The following WDR7 variants were observed in gnomAD, a reference collection of about 807,000 sequenced individuals.
WDR7 encodes the protein WD repeat-containing protein 7.
A neutral mutation model predicts 169.4 loss-of-function variants in WDR7; 46 were observed. The ratio of observed to expected loss-of-function variants is 0.27; its 90% confidence interval spans 0.21 to 0.35. The LOEUF (loss-of-function observed/expected upper bound fraction) is 0.35. WDR7 is among the 10% of genes least tolerant of loss of function. The pLI, the probability that WDR7 is intolerant of heterozygous loss-of-function variation, is 1.00. For missense variants in WDR7, 1,534 were observed against 1,859.3 expected (o/e 0.83, Z 3.22); for synonymous variants, 612 against 666.8 (o/e 0.92, Z 1.27).
chr18:57,027,313 C>T lies in WDR7; in HGVS notation c.*106C>T. The T allele has an allele frequency of 7.3e-7, 1 of 1,360,702 alleles. No homozygotes were observed. The highest frequency in any genetic ancestry group is 1.4e-5 in the South Asian group (1 of 71,180). The allele number at this position is 1,360,702 out of a possible 1,614,324, so 84.3% of individuals were successfully genotyped here. On this transcript the variant is annotated 3_prime_UTR_variant, in exon 28 of 28. Coordinates refer to ENST00000254442, the MANE Select transcript of WDR7 (RefSeq NM_015285.3). Reference sequence around the variant, plus strand: ...ATTGTTCCCAGGGGCCTGCCCACCCCAGTGCCATCCAGTGGCACGGCCGGG... The same window carrying T: ...ATTGTTCCCAGGGGCCTGCCCACCCTAGTGCCATCCAGTGGCACGGCCGGG...
intron 20 of WDR7, among the ~76,000 whole-genome samples, chr18:56,825,144 T>G (rs1384403300): frequency 6.6e-6 from 1 of 152,194 alleles, no homozygotes; most frequent in Non-Finnish European, 1.5e-5. Flanking sequence ...GCCTCCTCGT[T>G]TCTAGGATGG....
At chr18:56,885,621 ACCAT>A (rs2046178084) in intron 21 of WDR7, among the ~76,000 whole-genome samples, 1 of 151,254 alleles carries the variant, frequency 6.6e-6, no homozygotes, top group African/African-American at 2.4e-5. Flanking sequence ...TCAGATCAAG[ACCAT>A]CCTAGCTAAC....
At chr18:56,815,428 G>A (rs1440447526) in intron 19 of WDR7, among the ~76,000 whole-genome samples, 3 of 152,146 alleles carry the variant, frequency 2.0e-5, no homozygotes, top group South Asian at 4.1e-4. Flanking sequence ...ATTCTCAGGC[G>A]ATTTACAGAA....
At chr18:56,760,186 A>C (rs2043960308) in intron 16 of WDR7, among the ~76,000 whole-genome samples, 2 of 152,160 alleles carry the variant, frequency 1.3e-5, no homozygotes, top group Non-Finnish European at 2.9e-5. Context: ...CAAAACAGAA[A>C]CGTACAGTGA....
intron 16 of WDR7, among the ~76,000 whole-genome samples, chr18:56,760,126 CTT>C (rs2043959439): frequency 6.6e-6 from 1 of 152,034 alleles, no homozygotes; most frequent in Non-Finnish European, 1.5e-5. Context: ...GGTTAGATAA[CTT>C]TTTTATGCTT....
In WDR7 at chr18:56,711,636, G is replaced by T. The variant is rs550662694; in HGVS notation, c.1579-6328G>T. Among the ~76,000 whole-genome samples, 11 of 151,574 alleles carry T rather than the reference G, an allele frequency of 7.3e-5. No individual in the cohort carries two copies. In the East Asian group the frequency reaches 2.1e-3, roughly 29 times the overall value. On this transcript the variant is annotated intron_variant, in intron 12 of 27. Transcript: ENST00000254442. ...TAATTATCCAATTAGTTTGTTAATC[G>T]GTGTTTTGGCTGGACCATATGGCCT...
intron 13 of WDR7, among the ~76,000 whole-genome samples, chr18:56,726,866 C>T (rs182505339): frequency 3.3e-5 from 5 of 152,204 alleles, no homozygotes; most frequent in African/African-American, 7.2e-5. Flanking sequence ...CTGTCTGAGT[C>T]CTGGGTACTG....
At chr18:56,690,859 G>A (rs2025552155) in intron 7 of WDR7, among the ~76,000 whole-genome samples, 1 of 152,006 alleles carries the variant, frequency 6.6e-6, no homozygotes, top group Non-Finnish European at 1.5e-5. Flanking sequence ...AAATAAAACA[G>A]GGCTCAAGCC....
chr18:56,761,172 C>G (rs1180672041), intron 16 of WDR7, among the ~76,000 whole-genome samples: 1 of 152,126 alleles, frequency 6.6e-6, no homozygotes, highest in Non-Finnish European at 1.5e-5. Context: ...ACCATCCTGA[C>G]TAATTTTTTC....
intron 2 of WDR7, among the ~76,000 whole-genome samples, chr18:56,674,443 CT>C (rs2025200996): frequency 1.3e-5 from 2 of 152,078 alleles, no homozygotes; most frequent in Admixed American, 1.3e-4. Flanking sequence ...CTCTGGCAAA[CT>C]GTCTATTCAG....
chr18:56,951,445 T>A (rs1040238678), intron 25 of WDR7, among the ~76,000 whole-genome samples: 1 of 152,162 alleles, frequency 6.6e-6, no homozygotes, highest in African/African-American at 2.4e-5. Context: ...TAGTTGACAG[T>A]TACCTCTCCC....
intron 13 of WDR7, among the ~76,000 whole-genome samples, chr18:56,719,332 G>A (rs2026263953): frequency 6.6e-6 from 1 of 152,132 alleles, no homozygotes; most frequent in Non-Finnish European, 1.5e-5. Flanking sequence ...GGGAGGCCGA[G>A]ACGGGCGGAT....
At chr18:56,935,295 T>A (rs2046942551) in intron 22 of WDR7, among the ~76,000 whole-genome samples, 1 of 152,170 alleles carries the variant, frequency 6.6e-6, no homozygotes. Flanking sequence ...ATATTTCAAA[T>A]GAAAAATAAT....
chr18:56,821,710 G>T (rs1375827177), intron 20 of WDR7, among the ~76,000 whole-genome samples: 1 of 150,760 alleles, frequency 6.6e-6, no homozygotes, highest in African/African-American at 2.4e-5. Context: ...CTTGGGTTTG[G>T]CTGGGCATGA....
intron 22 of WDR7, among the ~76,000 whole-genome samples, chr18:56,930,724 G>A (rs1179162636): frequency 6.6e-6 from 1 of 152,180 alleles, no homozygotes; most frequent in Admixed American, 6.5e-5. Context: ...TGTTTTTAAA[G>A]TCATTTTAGA....
chr18:56,717,467 A>G (rs529810964), intron 12 of WDR7, among the ~76,000 whole-genome samples: 1 of 152,242 alleles, frequency 6.6e-6, no homozygotes, highest in African/African-American at 2.4e-5. Context: ...GTGAATATCT[A>G]TGACTCCTAA....
At chr18:56,731,331 AT>A in intron 13 of WDR7, 51 bp from the exon 14 acceptor site, 1 of 1,577,484 alleles carries the variant, frequency 6.3e-7, no homozygotes, top group Non-Finnish European at 8.7e-7. Flanking sequence ...TACTTAAACT[AT>A]TCAAAATGTT....
rs760344581 is a variant in WDR7, at chr18:56,924,091, C to T, written c.3696C>T (p.Ala1232=). 39 of 1,611,712 alleles carry T rather than the reference C, an allele frequency of 2.4e-5. No homozygotes were observed. Among genetic ancestry groups the T allele is most frequent in the African/African-American group, 4.0e-5 (3 of 74,778 alleles). The change falls in exon 22 of 28, where the codon GCC becomes GCT. Residue 1232 remains alanine (A), a synonymous_variant. Transcript: ENST00000254442. The part of the protein sequence containing the change: ...LMGLLELCAD[A]EKQLANITMG... ...GGCTTCTCGAACTTTGTGCCGATGCCGAGAAACAACTTGCCAAGTATGTGT... is the reference window on the plus strand; with the variant it reads ...GGCTTCTCGAACTTTGTGCCGATGCTGAGAAACAACTTGCCAAGTATGTGT...
At chr18:56,863,132 C>G (rs1443637106) in intron 20 of WDR7, among the ~76,000 whole-genome samples, 3 of 151,662 alleles carry the variant, frequency 2.0e-5, no homozygotes, top group African/African-American at 7.2e-5. Flanking sequence ...TTGAAAACAA[C>G]ATTTTGTTTC....
Sources: gnomAD v4.1 joint callset for allele counts (sites outside exome capture counted in the v4.1 genomes callset) on GRCh38, gnomAD v4.1.1 for gene constraint, MANE v1.5 for transcripts, NCBI Gene and HGNC (gene_info 2026-07-23, HGNC 2026-07-21) for gene names.